LNX1: variants seen among roughly 807,000 people sequenced by gnomAD.
LNX1 encodes the protein E3 ubiquitin-protein ligase LNX.
In LNX1, 54 loss-of-function variants were observed where a neutral mutation model predicts 68.4. The ratio of observed to expected loss-of-function variants is 0.79; its 90% confidence interval spans 0.63 to 0.99. LNX1 has a LOEUF of 0.99. Among genes scored for constraint, LNX1 ranks in the 50% least tolerant of loss-of-function variants. The pLI is 0.00. For synonymous variants in LNX1, 336 were observed against 350.0 expected (o/e 0.96, Z 0.45); for missense variants, 906 against 926.4 (o/e 0.98, Z 0.29).
chr4:53,496,956 T>A (rs1052660063), intron 5 of LNX1, among the ~76,000 whole-genome samples: 1 of 152,150 alleles, frequency 6.6e-6, no homozygotes, highest in South Asian at 2.1e-4. Flanking sequence ...TGTATGTGCG[T>A]GTGATACTGT....
chr4:53,576,534 G>T (rs1286158104), intron 1 of LNX1: 7 of 1,009,348 alleles, frequency 6.9e-6, no homozygotes, highest in Non-Finnish European at 9.0e-6. Context: ...TTGTATTTTA[G>T]GTTGGGCATT....
intron 1 of LNX1, among the ~76,000 whole-genome samples, chr4:53,635,264 T>C (rs3942650): frequency 0.45 from 69,113 of 151,944 alleles, 17,046 homozygotes; most frequent in African/African-American, 0.64. Context: ...AGAGGCCAGA[T>C]GTGGAGAGAG....
chr4:53,481,758 A>C lies in LNX1; in HGVS notation c.1447T>G (p.Trp483Gly). Residue 483 changes from tryptophan (W) to glycine (G), a missense_variant, in exon 7 of 11, where the codon TGG (tryptophan) becomes GGG (glycine). Trp to Gly is a radical substitution (Grantham distance 184, BLOSUM62 -2). Transcript: ENST00000263925. ...QEAGWNSNGSWSPGPGERSNT... is the reference protein window; with the variant it reads ...QEAGWNSNGSGSPGPGERSNT... ...CTCCTCTCCCCTGGCCCTGGGGACC[A>C]GCTGCCATTGCTGTTCCAGCCGGCT... 6.2e-7 allele frequency: 1 copy of C among 1,613,934 alleles called. No homozygotes were observed. The highest frequency in any genetic ancestry group is 1.1e-5 in the South Asian group (1 of 91,068).
intron 1 of LNX1, among the ~76,000 whole-genome samples, chr4:53,581,569 AAGG>A (rs906546569): frequency 6.6e-5 from 10 of 152,200 alleles, no homozygotes; most frequent in African/African-American, 2.4e-4. Flanking sequence ...GCGGAAGGTG[AAGG>A]AGGAGCAAAA....
At chr4:53,578,337 C>T (rs1731626113) in intron 1 of LNX1, among the ~76,000 whole-genome samples, 1 of 152,198 alleles carries the variant, frequency 6.6e-6, no homozygotes, top group African/African-American at 2.4e-5. Flanking sequence ...TGCACTTACA[C>T]ACACCTTCAC....
At chr4:53,568,540 A>G (rs1204357524) in intron 2 of LNX1, among the ~76,000 whole-genome samples, 1 of 151,406 alleles carries the variant, frequency 6.6e-6, no homozygotes, top group African/African-American at 2.5e-5. Context: ...AGCCAATATC[A>G]TACTGAATGG....
chr4:53,479,212 A>T (rs1305418213), intron 7 of LNX1, among the ~76,000 whole-genome samples: 1 of 152,262 alleles, frequency 6.6e-6, no homozygotes, highest in Admixed American at 6.5e-5. Context: ...TTAAGCACAC[A>T]GAGTGAACTG....
rs1385206933 is a variant in LNX1 at position 53,613,245 on chromosome 4, T to A, written c.-215+3272A>T. ...CATATGTTTAAATTGATCCCATGCA[T>A]GCATTTATGAAAATATATGAATGTG... On this transcript the variant is annotated intron_variant, in intron 2 of 3. Transcript: ENST00000504299. 2.0e-5 allele frequency among the ~76,000 whole-genome samples: 3 copies of A among 152,004 alleles called. No homozygotes were observed. The East Asian group carries it at 5.8e-4, about 29-fold the overall frequency.
chr4:53,481,339 A>C (rs1723901697), intron 7 of LNX1, among the ~76,000 whole-genome samples: 1 of 152,242 alleles, frequency 6.6e-6, no homozygotes, highest in South Asian at 2.1e-4. Flanking sequence ...ACTCATTTCT[A>C]GGCAGACTGA....
intron 1 of LNX1, among the ~76,000 whole-genome samples, chr4:53,648,692 C>G (rs1481912904): frequency 6.6e-6 from 1 of 152,274 alleles, no homozygotes; most frequent in Admixed American, 6.5e-5. Context: ...AGAACTGCCT[C>G]ACAGCTCCAA....
At chr4:53,484,738 CT>C (rs1724173797) in intron 6 of LNX1, among the ~76,000 whole-genome samples, 1 of 152,124 alleles carries the variant, frequency 6.6e-6, no homozygotes, top group African/African-American at 2.4e-5. Context: ...ATTAAAGGAA[CT>C]TTTAGAGACA....
intron 2 of LNX1, among the ~76,000 whole-genome samples, chr4:53,568,671 G>T (rs1730903350): frequency 6.6e-6 from 1 of 151,532 alleles, no homozygotes; most frequent in African/African-American, 2.4e-5. Flanking sequence ...GGGCAATTAG[G>T]CAGGAGAAGG....
At chr4:53,622,203 A>C (rs1158411331), upstream of LNX1, among the ~76,000 whole-genome samples, 1 of 152,200 alleles carries the variant, frequency 6.6e-6, no homozygotes, top group East Asian at 1.9e-4. Flanking sequence ...TGCTTTGGAA[A>C]GATGTACGTA....
At chr4:53,611,580 A>G (rs1244335771) in intron 2 of LNX1, among the ~76,000 whole-genome samples, 2 of 152,188 alleles carry the variant, frequency 1.3e-5, no homozygotes, top group South Asian at 2.1e-4. Context: ...CATCCTCGCT[A>G]GTTACTAGAA....
chr4:53,516,639 T>C (rs1178947562), intron 2 of LNX1, among the ~76,000 whole-genome samples: 11 of 152,128 alleles, frequency 7.2e-5, no homozygotes, highest in African/African-American at 2.4e-4. Context: ...GTGCCAGGAA[T>C]GGTAGATTCT....
intron 2 of LNX1, among the ~76,000 whole-genome samples, chr4:53,520,609 G>C (rs2109572661): frequency 6.6e-6 from 1 of 152,276 alleles, no homozygotes; most frequent in Admixed American, 6.5e-5. Flanking sequence ...GTGATGGGGT[G>C]GGGGTCAGGT....
At chr4:53,493,421 G>A (rs1295553411) in intron 6 of LNX1, among the ~76,000 whole-genome samples, 5 of 152,202 alleles carry the variant, frequency 3.3e-5, no homozygotes, top group Admixed American at 6.5e-5. Context: ...AAGGTACCAC[G>A]TGTGTTTTCT....
intron 2 of LNX1, among the ~76,000 whole-genome samples, chr4:53,610,819 A>G (rs1171031716): frequency 6.6e-6 from 1 of 151,918 alleles, no homozygotes; most frequent in Non-Finnish European, 1.5e-5. Context: ...ACTGAAATAG[A>G]AGGCAAAATA....
At chr4:53,495,446 G>A (rs537656410) in intron 6 of LNX1, among the ~76,000 whole-genome samples, 5 of 151,788 alleles carry the variant, frequency 3.3e-5, no homozygotes, top group Non-Finnish European at 5.9e-5. Flanking sequence ...TTCCTCTCAG[G>A]TTCATACTTG....
Sources: allele counts gnomAD v4.1 joint callset (sites outside exome capture counted in the v4.1 genomes callset), GRCh38; gene constraint gnomAD v4.1.1; transcripts MANE v1.5; gene names NCBI Gene and HGNC (gene_info 2026-07-23, HGNC 2026-07-21).